The following PANK2 variants were observed in gnomAD, a reference collection of about 807,000 sequenced individuals.
PANK2 encodes the protein pantothenate kinase 2, mitochondrial.
Under a neutral mutation model 43.1 loss-of-function variants are expected in PANK2, and 36 were observed. The ratio of observed to expected loss-of-function variants is 0.84; its 90% CI spans 0.64 to 1.10. The LOEUF is 1.10. PANK2 is among the 50% of genes least tolerant of loss of function. The pLI, the probability that PANK2 is intolerant of heterozygous loss-of-function variation, is 0.00. For synonymous variants in PANK2, 281 were observed against 238.2 expected (o/e 1.18, Z -1.66); for missense variants, 576 against 593.3 (o/e 0.97, Z 0.30).
At chr20:3,911,830 C>T (rs542419504) in intron 3 of PANK2, among the ~76,000 whole-genome samples, 24 of 151,600 alleles carry the variant, frequency 1.6e-4, no homozygotes, top group Middle Eastern at 3.4e-3. Flanking sequence ...GCAAAGGTTG[C>T]GGTGAGCCGA....
intron 1 of PANK2, 141 bp downstream of exon 1, chr20:3,889,869 C>A: frequency 2.6e-6 from 4 of 1,532,832 alleles, no homozygotes; most frequent in Non-Finnish European, 3.5e-6. Flanking sequence ...CGTGGCCTGA[C>A]ATCCGGCTGG....
intron 1 of PANK2, 53 bp from the exon 2 acceptor site, chr20:3,907,872 TA>T (rs1266116927): frequency 1.4e-4 from 204 of 1,503,754 alleles, no homozygotes; most frequent in Middle Eastern, 1.2e-3. Context: ...GTGGTAAGGG[TA>T]AATTTAATTT....
intron 1 of PANK2, among the ~76,000 whole-genome samples, chr20:3,896,387 A>G (rs908992269): frequency 8.6e-5 from 13 of 151,960 alleles, no homozygotes; most frequent in African/African-American, 2.4e-4. Context: ...CTACTGAACT[A>G]TGTATTTCCC....
chr20:3,888,956 TGCGGGAGCACTGC>T, upstream of PANK2: 2 of 630,358 alleles, frequency 3.2e-6, no homozygotes, highest in Non-Finnish European at 5.3e-6. Context: ...GGCCAGACGC[TGCGGGAGCACTGC>T]TGGGCTGGAG....
At chr20:3,921,072 T>A (rs1407209289) in intron 6 of PANK2, among the ~76,000 whole-genome samples, 1 of 152,186 alleles carries the variant, frequency 6.6e-6, no homozygotes, top group African/African-American at 2.4e-5. Context: ...ATTTTTTTAT[T>A]TAAGTTCTAG....
At chr20:3,915,174 G>T (rs2090537842) in intron 4 of PANK2, among the ~76,000 whole-genome samples, 1 of 152,030 alleles carries the variant, frequency 6.6e-6, no homozygotes, top group Admixed American at 6.6e-5. Context: ...TGTGCTTTTG[G>T]TGTTATGTGT....
At chr20:3,910,896 C>T in intron 3 of PANK2, 66 bp downstream of exon 3, 16 of 1,560,636 alleles carry the variant, frequency 1.0e-5, no homozygotes, top group Non-Finnish European at 1.3e-5. Context: ...TCAGGTATTA[C>T]ATGTAACTAC....
At chr20:3,899,518 C>T (rs1232086105) in intron 1 of PANK2, among the ~76,000 whole-genome samples, 1 of 151,096 alleles carries the variant, frequency 6.6e-6, no homozygotes, top group East Asian at 1.9e-4. Flanking sequence ...ACTAGATCCA[C>T]CTTATTAGCC....
Position 3,889,392 on chromosome 20 carries a change from G to A in PANK2, c.-39G>A. 1.9e-6 allele frequency: 3 copies of A among 1,574,906 alleles called. No individual in the cohort carries two copies. The highest frequency in any genetic ancestry group is 1.3e-5 in the African/African-American group (1 of 74,320). On this transcript the variant is annotated 5_prime_UTR_variant, in exon 1 of 7. Transcript: ENST00000610179. Reference sequence around the variant, plus strand: ...CCGGCCGAGGGCGCGCCTCTGCTCTGGCTGGACTGCCGCGGAGGAGGCGAG... The same window carrying A: ...CCGGCCGAGGGCGCGCCTCTGCTCTAGCTGGACTGCCGCGGAGGAGGCGAG...
intron 1 of PANK2, among the ~76,000 whole-genome samples, chr20:3,905,501 C>T (rs2090371402): frequency 6.6e-6 from 1 of 151,682 alleles, no homozygotes; most frequent in Non-Finnish European, 1.5e-5. Context: ...CGCCCGCCAC[C>T]ACGCCCGGCT....
At position 3,927,432 on chromosome 20, in the gene PANK2, C is replaced by T. The variant is rs2090739103; in HGVS notation, c.*4138C>T. ...AGCAATTAAATATACAAAAATATAGCTTACAAAAAACTGCGAATGTTTAAA... is the reference window on the plus strand; with the variant it reads ...AGCAATTAAATATACAAAAATATAGTTTACAAAAAACTGCGAATGTTTAAA... On this transcript the variant is annotated 3_prime_UTR_variant, in exon 7 of 7. Coordinates refer to ENST00000610179, the MANE Select transcript of PANK2 (RefSeq NM_001386393.1). The T allele has an allele frequency of 6.6e-6, 1 of 152,128 alleles. No homozygotes were observed. Among genetic ancestry groups the T allele is most frequent in the African/African-American group, 2.4e-5 (1 of 41,410 alleles). The allele number at this position is 152,128 out of a possible 1,614,324, so 9.4% of individuals were successfully genotyped here.
At chr20:3,921,206 C>T (rs1004726406) in intron 6 of PANK2, 1 of 146,448 alleles carries the variant, frequency 6.8e-6, no homozygotes, top group Non-Finnish European at 1.5e-5. Context: ...CCCCCTCCCC[C>T]CACCCCATGG....
At chr20:3,914,085 G>GGCC (rs1271071353) in intron 4 of PANK2, among the ~76,000 whole-genome samples, 1 of 150,830 alleles carries the variant, frequency 6.6e-6, no homozygotes, top group Non-Finnish European at 1.5e-5. Flanking sequence ...CACTGCGCCT[G>GGCC]GCCTGCACAT....
At chr20:3,922,081 C>T (rs1364105489) in intron 6 of PANK2, among the ~76,000 whole-genome samples, 1 of 152,200 alleles carries the variant, frequency 6.6e-6, no homozygotes, top group Non-Finnish European at 1.5e-5. Flanking sequence ...GATCAGGTTT[C>T]TTGAAGAAGC....
At chr20:3,911,721 A>C (rs1600545776) in intron 3 of PANK2, among the ~76,000 whole-genome samples, 1 of 152,028 alleles carries the variant, frequency 6.6e-6, no homozygotes, top group Middle Eastern at 3.4e-3. Context: ...GAGAAACCCC[A>C]TCTCTACTAA....
chr20:3,889,921 C>T, intron 1 of PANK2, 193 bp downstream of exon 1: 2 of 1,531,940 alleles, frequency 1.3e-6, no homozygotes, highest in Non-Finnish European at 1.7e-6. Flanking sequence ...GGGGGCCCCC[C>T]CGCACCCATT....
intron 1 of PANK2, chr20:3,891,514 A>G (rs2090122562): frequency 6.6e-6 from 1 of 152,228 alleles, no homozygotes; most frequent in Non-Finnish European, 1.5e-5. Context: ...CAGAATTGCT[A>G]GCTTCATAGC....
chr20:3,893,928 TTTG>T (rs1350197442), intron 1 of PANK2, among the ~76,000 whole-genome samples: 8 of 53,210 alleles, frequency 1.5e-4, no homozygotes, highest in African/African-American at 4.0e-4. Flanking sequence ...TTGTTTGTTT[TTTG>T]TTTTTTTTTT....
At chr20:3,901,580 C>T (rs1459579148) in intron 1 of PANK2, 2 of 979,766 alleles carry the variant, frequency 2.0e-6, no homozygotes, top group African/African-American at 3.5e-5. Context: ...TTTCCTTCTC[C>T]CTTCTCTTCC....
Sources: gnomAD v4.1 joint callset for allele counts (sites outside exome capture counted in the v4.1 genomes callset) on GRCh38, gnomAD v4.1.1 for gene constraint, MANE v1.5 for transcripts, NCBI Gene and HGNC (gene_info 2026-07-23, HGNC 2026-07-21) for gene names.